The following STAC variants were observed in gnomAD, a reference collection of about 807,000 sequenced individuals.
The protein encoded by STAC is SH3 and cysteine-rich domain-containing protein.
STAC carries 43 observed loss-of-function variants against 48.8 expected under a neutral mutation model. That is an observed-to-expected ratio of 0.88 (90% CI 0.69 to 1.14). The LOEUF is 1.14. Ranked by LOEUF, STAC falls within the 50% of genes most tolerant of loss-of-function variation. The pLI, the probability that STAC is intolerant of heterozygous loss-of-function variation, is 0.00. For missense variants in STAC, 497 were observed against 504.0 expected (o/e 0.99, Z 0.13); for synonymous variants, 193 against 179.5 (o/e 1.07, Z -0.60).
At chr3:36,482,264 C>G (rs1025178362) in intron 2 of STAC, among the ~76,000 whole-genome samples, 4 of 152,180 alleles carry the variant, frequency 2.6e-5, no homozygotes, top group African/African-American at 9.7e-5. Flanking sequence ...TCCTGAAGCC[C>G]CCACACCCTG....
chr3:36,495,756 G>A (rs1040370248), intron 6 of STAC, among the ~76,000 whole-genome samples: 4 of 152,234 alleles, frequency 2.6e-5, no homozygotes, highest in Admixed American at 6.5e-5. Flanking sequence ...TAGCATCACT[G>A]CTATTAGCAA....
In STAC at chr3:36,484,961, C is replaced by T. The variant is rs7627803; in HGVS notation, c.490-16C>T. The T allele has an allele frequency of 1.7e-4, 277 of 1,584,772 alleles. No individual in the cohort carries two copies. The African/African-American group carries it at 2.8e-3, about 16-fold the overall frequency. On this transcript the variant is annotated splice_polypyrimidine_tract_variant and intron_variant, in intron 3 of 10. Coordinates refer to ENST00000273183, the MANE Select transcript of STAC (RefSeq NM_003149.3). Reference sequence around the variant, plus strand: ...CCAGTGACATTAACCCCTTGCCTTCCTCATTCTCTCTCCAGCCAAAGGGGT... The same window carrying T: ...CCAGTGACATTAACCCCTTGCCTTCTTCATTCTCTCTCCAGCCAAAGGGGT...
At chr3:36,446,090 C>A (rs980823977) in intron 2 of STAC, among the ~76,000 whole-genome samples, 2 of 152,190 alleles carry the variant, frequency 1.3e-5, no homozygotes, top group Non-Finnish European at 1.5e-5. Flanking sequence ...GCCAGCTAGG[C>A]CCTTGCCCTT....
At chr3:36,398,368 A>AAAGAAAGAAAAGAAAAGAAAGAGAG (rs1553631494) in intron 1 of STAC, among the ~76,000 whole-genome samples, 2 of 102,880 alleles carry the variant, frequency 1.9e-5, no homozygotes, top group African/African-American at 7.5e-5. Flanking sequence ...AGAAAGAAAG[A>AAAGAAAGAAAAGAAAAGAAAGAGAG]AAAGAAAGAG....
At chr3:36,545,977 C>T (rs536610237) in intron 10 of STAC, among the ~76,000 whole-genome samples, 1 of 152,258 alleles carries the variant, frequency 6.6e-6, no homozygotes, top group African/African-American at 2.4e-5. Flanking sequence ...TTTCAGAAAA[C>T]ATTCAATGCC....
chr3:36,477,931 C>T (rs1156388739), intron 2 of STAC, among the ~76,000 whole-genome samples: 1 of 152,132 alleles, frequency 6.6e-6, no homozygotes, highest in Non-Finnish European at 1.5e-5. Context: ...TTTTAATCTG[C>T]TTTTTGTGAC....
chr3:36,449,051 C>T (rs770210186), intron 2 of STAC, among the ~76,000 whole-genome samples: 1 of 151,764 alleles, frequency 6.6e-6, no homozygotes, highest in Non-Finnish European at 1.5e-5. Context: ...CCCAGGAGTT[C>T]GAGGCTACGA....
chr3:36,544,899 T>C (rs976721610), intron 10 of STAC, among the ~76,000 whole-genome samples: 3 of 152,172 alleles, frequency 2.0e-5, no homozygotes, highest in African/African-American at 7.2e-5. Flanking sequence ...TCTAGTCAAG[T>C]TTCTCACACA....
At chr3:36,461,637 G>A (rs1258173571) in intron 2 of STAC, among the ~76,000 whole-genome samples, 1 of 152,166 alleles carries the variant, frequency 6.6e-6, no homozygotes, top group African/African-American at 2.4e-5. Flanking sequence ...GCAGGGGGCA[G>A]GTTGCAGTAT....
intron 2 of STAC, among the ~76,000 whole-genome samples, chr3:36,470,084 T>C (rs1697288983): frequency 6.6e-6 from 1 of 152,202 alleles, no homozygotes; most frequent in Non-Finnish European, 1.5e-5. Flanking sequence ...AGATTTCATC[T>C]TGGTTTAGAT....
At chr3:36,434,323 G>A (rs1243150431) in intron 1 of STAC, among the ~76,000 whole-genome samples, 1 of 152,122 alleles carries the variant, frequency 6.6e-6, no homozygotes, top group African/African-American at 2.4e-5. Flanking sequence ...CGAAAATAGT[G>A]AGCATTTCAA....
chr3:36,529,305 G>A (rs566600698), intron 10 of STAC: 17 of 172,940 alleles, frequency 9.8e-5, no homozygotes, highest in South Asian at 5.3e-4. Flanking sequence ...CTGAGTTAGC[G>A]TCCAACAAAG....
chr3:36,524,672 C>A (rs961906249), intron 8 of STAC, among the ~76,000 whole-genome samples: 1 of 152,010 alleles, frequency 6.6e-6, no homozygotes, highest in African/African-American at 2.4e-5. Flanking sequence ...ATCTTGCATG[C>A]CTACTCAGAT....
intron 1 of STAC, among the ~76,000 whole-genome samples, chr3:36,405,444 G>A (rs1700071395): frequency 6.6e-6 from 1 of 152,144 alleles, no homozygotes; most frequent in South Asian, 2.1e-4. Context: ...GCCCTCCCCA[G>A]TGAAAGCTTC....
intron 6 of STAC, among the ~76,000 whole-genome samples, chr3:36,498,681 A>G (rs1698211069): frequency 6.6e-6 from 1 of 152,010 alleles, no homozygotes; most frequent in African/African-American, 2.4e-5. Flanking sequence ...TGAACCTGGG[A>G]GTTTGAGGCT....
chr3:36,385,544 T>C (rs1272692562), intron 1 of STAC, among the ~76,000 whole-genome samples: 1 of 150,210 alleles, frequency 6.7e-6, no homozygotes, highest in Non-Finnish European at 1.5e-5. Context: ...ACTGCACATA[T>C]TAAAAGTTTA....
chr3:36,394,062 TG>T (rs1699805277), intron 1 of STAC, among the ~76,000 whole-genome samples: 1 of 152,058 alleles, frequency 6.6e-6, no homozygotes, highest in Non-Finnish European at 1.5e-5. Context: ...GGGTGCTTCT[TG>T]TTGAGTAAAC....
chr3:36,471,385 A>T (rs1188327449), intron 2 of STAC, among the ~76,000 whole-genome samples: 1 of 152,180 alleles, frequency 6.6e-6, no homozygotes, highest in Non-Finnish European at 1.5e-5. Context: ...AAACCATATC[A>T]TTCCACCCCT....
At chr3:36,513,241 C>T (rs1698585217) in intron 8 of STAC, among the ~76,000 whole-genome samples, 1 of 152,180 alleles carries the variant, frequency 6.6e-6, no homozygotes, top group Non-Finnish European at 1.5e-5. Flanking sequence ...GATTCACTTA[C>T]CCACCTGCCT....
Sources: allele counts gnomAD v4.1 joint callset (sites outside exome capture counted in the v4.1 genomes callset), GRCh38; gene constraint gnomAD v4.1.1; transcripts MANE v1.5; gene names NCBI Gene and HGNC (gene_info 2026-07-23, HGNC 2026-07-21).